The following PRDM9 variants were observed in gnomAD, a reference collection of about 807,000 sequenced individuals.
PRDM9 encodes the protein PR/SET domain 9, also known as histone-lysine N-methyltransferase PRDM9.
PRDM9 carries 47 observed loss-of-function variants against 55.6 expected under a neutral mutation model. The ratio of observed to expected loss-of-function variants is 0.85; its 90% CI spans 0.67 to 1.08. The LOEUF (loss-of-function observed/expected upper bound fraction) is 1.08. PRDM9 is among the 50% of genes least tolerant of loss of function. PRDM9 has a pLI of 0.00. For synonymous variants in PRDM9, 312 were observed against 375.7 expected (o/e 0.83, Z 1.96); for missense variants, 867 against 1,040.3 (o/e 0.83, Z 2.29).
rs1472004359 is a variant in PRDM9 at position 23,522,650 on chromosome 5, G to C, written c.647G>C (p.Cys216Ser). The C allele has an allele frequency of 6.2e-7, 1 of 1,614,198 alleles. No homozygotes were observed. Among genetic ancestry groups the C allele is most frequent in the Non-Finnish European group, 8.5e-7 (1 of 1,180,036 alleles). ...EMCQNFFIDS[C>S]AAHGPPTFVK... ...TGTCAGAACTTCTTCATTGACAGCT[G>C]TGCTGCCCATGGGCCCCCTACATTT... The change falls in exon 8 of 11, where the codon TGT becomes TCT. Residue 216 changes from cysteine to serine, a missense_variant. Cys to Ser is a moderately radical substitution (Grantham distance 112). Around this residue, in one of 5 missense-constraint regions of PRDM9, gnomAD observed 662 missense variants for 711.9 expected, o/e 0.93. Transcript: ENST00000296682.
At chr5:23,509,181 T>C (rs1739039937) in intron 2 of PRDM9, 79 bp downstream of exon 2, 2 of 1,569,208 alleles carry the variant, frequency 1.3e-6, no homozygotes, top group East Asian at 2.3e-5. Flanking sequence ...GCCTGTACCC[T>C]TGGGGGACCC....
At chr5:23,507,819 C>T (rs1739014700) in intron 1 of PRDM9, 107 bp downstream of exon 1, 1 of 152,134 alleles carries the variant, frequency 6.6e-6, no homozygotes, top group Non-Finnish European at 1.5e-5. Flanking sequence ...CAAATCCTGC[C>T]ACCTTGAGGG....
chr5:23,510,620 A>G (rs1052616465), intron 4 of PRDM9, among the ~76,000 whole-genome samples: 4 of 142,906 alleles, frequency 2.8e-5, no homozygotes, highest in African/African-American at 1.0e-4. Context: ...GGCCTCCCAA[A>G]GTGCTGGGAT....
At chr5:23,524,641 C>G in intron 10 of PRDM9, 114 bp downstream of exon 10, 1 of 1,452,802 alleles carries the variant, frequency 6.9e-7, no homozygotes, top group Non-Finnish European at 9.5e-7. Flanking sequence ...AGTAAGATTT[C>G]AAATCAGTGG....
chr5:23,515,819 G>T lies in PRDM9; in HGVS notation c.302-2062G>T, dbSNP rs150684198. Reference sequence around the variant, plus strand: ...CATCCTTGCTGAAGATCATTTGACCGCATACACAAGGGTTTATTTCTGGCC... The same window carrying T: ...CATCCTTGCTGAAGATCATTTGACCTCATACACAAGGGTTTATTTCTGGCC... On this transcript the variant is annotated intron_variant, in intron 4 of 10. Coordinates refer to ENST00000296682, the MANE Select transcript of PRDM9 (RefSeq NM_020227.4). Among the ~76,000 whole-genome samples, 36 of 152,190 alleles carry T rather than the reference G, an allele frequency of 2.4e-4. 1 individual carries two copies. The East Asian group carries it at 7.0e-3, about 29-fold the overall frequency.
intron 1 of PRDM9, among the ~76,000 whole-genome samples, chr5:23,508,024 A>G (rs1184024265): frequency 6.6e-6 from 1 of 151,950 alleles, no homozygotes; most frequent in African/African-American, 2.4e-5. Context: ...TCACCCACAG[A>G]CAGACCAAAT....
At chr5:23,520,258 G>A (rs1421072843) in intron 5 of PRDM9, among the ~76,000 whole-genome samples, 1 of 147,766 alleles carries the variant, frequency 6.8e-6, no homozygotes, top group Non-Finnish European at 1.5e-5. Flanking sequence ...CTAGCTTCTC[G>A]GGAGGCTGAG....
At chr5:23,517,679 C>T (rs1218939928) in intron 4 of PRDM9, among the ~76,000 whole-genome samples, 1 of 152,068 alleles carries the variant, frequency 6.6e-6, no homozygotes, top group Non-Finnish European at 1.5e-5. Context: ...CCCAACAACT[C>T]ACAAGGCTGA....
chr5:23,513,741 T>G (rs1739146092), intron 4 of PRDM9, among the ~76,000 whole-genome samples: 2 of 151,982 alleles, frequency 1.3e-5, no homozygotes, highest in Admixed American at 1.3e-4. Context: ...TAGCCGGGCA[T>G]AGTGGCGTGC....
chr5:23,520,484 A>C (rs894437686), intron 5 of PRDM9, among the ~76,000 whole-genome samples: 3 of 151,920 alleles, frequency 2.0e-5, no homozygotes, highest in African/African-American at 7.3e-5. Flanking sequence ...GGAACTAATT[A>C]ATCTAATTCC....
At position 23,509,587 on chromosome 5, in the gene PRDM9, A is replaced by G. The variant is rs1192189339; in HGVS notation, c.187A>G (p.Thr63Ala). 3.7e-6 allele frequency: 6 copies of G among 1,614,104 alleles called. No homozygotes were observed. The highest frequency in any genetic ancestry group is 5.1e-6 in the Non-Finnish European group (6 of 1,180,044). ...GAAAAGGAACTATAATGCACTGATT[A>G]CTATAGGTAACAGGAAGTGCTGGGC... ...NVKRNYNALI[T>A]IGLRATRPAF... The change falls in exon 3 of 11, where the codon ACT becomes GCT. Residue 63 changes from threonine (T) to alanine (A), a missense_variant. Thr to Ala is a moderately conservative substitution (Grantham distance 58). Transcript: ENST00000296682.
chr5:23,514,077 G>A (rs565669734), intron 4 of PRDM9, among the ~76,000 whole-genome samples: 315 of 152,218 alleles, frequency 2.1e-3, no homozygotes, highest in African/African-American at 7.1e-3. Flanking sequence ...GTGACATCTC[G>A]CTGTGGTTTT....
chr5:23,526,432 T>A lies in PRDM9; in HGVS notation c.1344T>A (p.Asn448Lys). The A allele has an allele frequency of 6.2e-7, 1 of 1,614,188 alleles. No homozygotes were observed. Among genetic ancestry groups the A allele is most frequent in the Non-Finnish European group, 8.5e-7 (1 of 1,180,040 alleles). ...AATATCCAGATCCACACAGCCGTAATGACAAAACCAAAGGTCAAGAGATCA... is the reference window on the plus strand; with the variant it reads ...AATATCCAGATCCACACAGCCGTAAAGACAAAACCAAAGGTCAAGAGATCA... ...EQQYPDPHSR[N>K]DKTKGQEIKE... Residue 448 changes from asparagine (N) to lysine (K), a missense_variant, in exon 11 of 11, where the codon AAT becomes AAA. By Grantham distance (94) the Asn-to-Lys change is moderately conservative (BLOSUM62 0). Around this residue, in one of 5 missense-constraint regions of PRDM9, gnomAD observed 662 missense variants for 711.9 expected, o/e 0.93. Coordinates refer to ENST00000296682, the MANE Select transcript of PRDM9 (RefSeq NM_020227.4).
At chr5:23,520,725 C>G (rs1188348303) in intron 5 of PRDM9, among the ~76,000 whole-genome samples, 1 of 152,074 alleles carries the variant, frequency 6.6e-6, no homozygotes, top group Non-Finnish European at 1.5e-5. Context: ...AGCCCTTACC[C>G]CCTTCTTTCA....
chr5:23,509,861 GC>G (rs1739054741), intron 3 of PRDM9, 58 bp from the exon 4 acceptor site: 2 of 1,578,070 alleles, frequency 1.3e-6, no homozygotes, highest in African/African-American at 1.3e-5. Context: ...CATTGCCACT[GC>G]CCTTTGTTCC....
chr5:23,510,564 G>T (rs1039836073), intron 4 of PRDM9, among the ~76,000 whole-genome samples: 4 of 151,516 alleles, frequency 2.6e-5, no homozygotes, highest in African/African-American at 9.7e-5. Flanking sequence ...CACCATGTTG[G>T]CCAGGCTGGT....
In PRDM9 at chr5:23,527,854, G is replaced by A. The variant is rs986260674; in HGVS notation, c.*81G>A. ...ACACACTTGCACACCCCAGCTGTGA[G>A]GTGGCTTCAGCGGAAGTCTGCTGAC... On this transcript the variant is annotated 3_prime_UTR_variant, in exon 11 of 11. Coordinates refer to ENST00000296682, the MANE Select transcript of PRDM9 (RefSeq NM_020227.4). 17 of 1,570,940 alleles carry A rather than the reference G, an allele frequency of 1.1e-5. No homozygotes were observed. Among genetic ancestry groups the A allele is most frequent in the Middle Eastern group, 1.7e-4 (1 of 5,810 alleles).
intron 10 of PRDM9, among the ~76,000 whole-genome samples, chr5:23,525,237 C>T (rs776330979): frequency 2.0e-5 from 3 of 152,290 alleles, no homozygotes; most frequent in Non-Finnish European, 1.5e-5. Flanking sequence ...TGCAATGGTC[C>T]TACGGCCAGA....
intron 4 of PRDM9, among the ~76,000 whole-genome samples, chr5:23,516,680 T>C (rs1351438251): frequency 6.6e-6 from 1 of 150,574 alleles, no homozygotes; most frequent in Non-Finnish European, 1.5e-5. Context: ...CCCGAATTCA[T>C]GTATTACTTC....
Sources: gnomAD v4.1 joint callset for allele counts (sites outside exome capture counted in the v4.1 genomes callset) on GRCh38, gnomAD v4.1.1 for gene constraint, gnomAD v4.1.1 regional missense constraint, MANE v1.5 for transcripts, NCBI Gene and HGNC (gene_info 2026-07-23, HGNC 2026-07-21) for gene names.